The following ZNF717 variants were observed in gnomAD, a reference collection of about 807,000 sequenced individuals.
The protein encoded by ZNF717 is zinc finger protein 717.
ZNF717 carries 9 observed loss-of-function variants against 13.8 expected under a neutral mutation model. The observed-to-expected ratio is 0.65, with a 90% CI of 0.39 to 1.14. The LOEUF is 1.14. ZNF717 is among the 50% of genes most tolerant of loss of function. The pLI is 0.01. For synonymous variants in ZNF717, 327 were observed against 364.1 expected, an observed-to-expected ratio of 0.90 and a Z score of 1.16; for missense variants, 1,040 against 1,080.7, an observed-to-expected ratio of 0.96 and a Z score of 0.53.
intron 6 of ZNF717, among the ~76,000 whole-genome samples, chr3:75,702,625 A>C (rs1937718416): frequency 6.6e-6 from 1 of 152,414 alleles, no homozygotes; most frequent in Non-Finnish European, 1.5e-5. Flanking sequence ...GTATAATTGG[A>C]TTGTTTATAA....
chr3:75,704,524 GACTC>G (rs1937761282), intron 6 of ZNF717, among the ~76,000 whole-genome samples: 1 of 152,308 alleles, frequency 6.6e-6, no homozygotes, highest in Non-Finnish European at 1.5e-5. Flanking sequence ...TAGGGTGAGA[GACTC>G]AGCCCCAAAA....
downstream of ZNF717, among the ~76,000 whole-genome samples, chr3:75,727,195 T>C (rs1224361523): frequency 2.0e-5 from 3 of 152,264 alleles, no homozygotes; most frequent in Non-Finnish European, 1.5e-5. Context: ...CTCAAGACCC[T>C]GTGATGATTG....
At chr3:75,731,985 C>G, downstream of ZNF717, 1 of 689,498 alleles carries the variant, frequency 1.5e-6, no homozygotes, top group Middle Eastern at 2.4e-4. Flanking sequence ...GCTGAAGGTT[C>G]CATATGGACA....
intron 2 of ZNF717, among the ~76,000 whole-genome samples, chr3:75,779,294 C>T (rs76670464): frequency 1.4e-5 from 2 of 138,024 alleles, no homozygotes; most frequent in Non-Finnish European, 3.1e-5. Context: ...TGGGAGTGAT[C>T]TGCTAAAACC....
downstream of ZNF717, among the ~76,000 whole-genome samples, chr3:75,704,944 A>G (rs1368853903): frequency 1.3e-5 from 2 of 152,308 alleles, no homozygotes; most frequent in East Asian, 3.8e-4. Context: ...CATTATGACT[A>G]GAAGTTGAAA....
chr3:75,696,904 A>AAAAAAAAAAAAAAC (rs1216089494), intron 6 of ZNF717, among the ~76,000 whole-genome samples: 1 of 24,192 alleles, frequency 4.1e-5, no homozygotes, highest in African/African-American at 8.3e-5. Context: ...AAAAAAAAAA[A>AAAAAAAAAAAAAAC]AAAAAAAAAA....
intron 6 of ZNF717, among the ~76,000 whole-genome samples, chr3:75,697,297 A>G (rs1937614252): frequency 1.3e-5 from 2 of 152,302 alleles, no homozygotes; most frequent in Admixed American, 1.3e-4. Context: ...GACTCCTCTG[A>G]TAAGGTTTGA....
downstream of ZNF717, chr3:75,709,568 A>G (rs1276552857): frequency 1.3e-5 from 2 of 152,370 alleles, no homozygotes; most frequent in East Asian, 1.9e-4. Context: ...ACAAAAATCA[A>G]TAACAATCGT....
At chr3:75,747,784 T>C (rs1575812342) in intron 2 of ZNF717, among the ~76,000 whole-genome samples, 1 of 152,134 alleles carries the variant, frequency 6.6e-6, no homozygotes, top group Non-Finnish European at 1.5e-5. Flanking sequence ...GTTTTCTAGA[T>C]ATACAAACAT....
At chr3:75,704,500 C>A (rs866480106) in intron 6 of ZNF717, among the ~76,000 whole-genome samples, 102 of 152,170 alleles carry the variant, frequency 6.7e-4, no homozygotes, top group Admixed American at 2.2e-3. Flanking sequence ...GTGAGAGACC[C>A]TAGGGCATAA....
chr3:75,704,754 G>A (rs1201138307), downstream of ZNF717, among the ~76,000 whole-genome samples: 1 of 152,308 alleles, frequency 6.6e-6, no homozygotes, highest in Non-Finnish European at 1.5e-5. Context: ...CCTGGAGGCT[G>A]CCCCAGGAAA....
chr3:75,754,615 A>G (rs1410639101), intron 2 of ZNF717, among the ~76,000 whole-genome samples: 1 of 152,238 alleles, frequency 6.6e-6, no homozygotes, highest in Non-Finnish European at 1.5e-5. Context: ...TCAGCTGAGT[A>G]AAGAATCTCT....
At chr3:75,711,285 T>C (rs1188015493) in exon 6 of ZNF717, 1 of 152,266 alleles carries the variant, frequency 6.6e-6, no homozygotes, top group African/African-American at 2.4e-5. Context: ...TTGTAAACTA[T>C]AGGTAGCTTA....
chr3:75,775,794 G>A (rs1944265670), intron 2 of ZNF717, among the ~76,000 whole-genome samples: 2 of 151,132 alleles, frequency 1.3e-5, no homozygotes, highest in East Asian at 3.9e-4. Context: ...AGAGGTTGCA[G>A]TGAGCCAAGA....
chr3:75,715,688 A>G (rs575912650), intron 5 of ZNF717, among the ~76,000 whole-genome samples: 273 of 152,270 alleles, frequency 1.8e-3, no homozygotes, highest in African/African-American at 5.9e-3. Context: ...TAAAGCCATT[A>G]ATTTGAAAAC....
At chr3:75,699,558 C>T (rs1398414683) in intron 6 of ZNF717, among the ~76,000 whole-genome samples, 100 of 150,194 alleles carry the variant, frequency 6.7e-4, no homozygotes, top group African/African-American at 2.4e-3. Context: ...CACCTCCCCC[C>T]TGCCCTCACA....
At chr3:75,761,990 G>A (rs1446461572) in intron 2 of ZNF717, among the ~76,000 whole-genome samples, 1 of 151,392 alleles carries the variant, frequency 6.6e-6, no homozygotes, top group Non-Finnish European at 1.5e-5. Context: ...GAAGGTGGAG[G>A]TTGCAGTCAG....
downstream of ZNF717, among the ~76,000 whole-genome samples, chr3:75,709,181 G>T (rs1348355534): frequency 5.9e-5 from 9 of 151,928 alleles, no homozygotes; most frequent in Admixed American, 3.9e-4. Context: ...TGTATTTTTA[G>T]TAGAGATGTG....
chr3:75,699,094 C>A, intron 6 of ZNF717, among the ~76,000 whole-genome samples: 1 of 152,310 alleles, frequency 6.6e-6, no homozygotes, highest in Non-Finnish European at 1.5e-5. Context: ...GTCCTGTGGT[C>A]CATTTCTTTT....
Sources: gnomAD v4.1 joint callset for allele counts (sites outside exome capture counted in the v4.1 genomes callset) on GRCh38, gnomAD v4.1.1 for gene constraint, MANE v1.5 for transcripts, NCBI Gene and HGNC (gene_info 2026-07-23, HGNC 2026-07-21) for gene names.